Variants in GOLGA6L2 observed in about 807,000 individuals in gnomAD.
GOLGA6L2 encodes golgin A6 family like 2, also known as golgin subfamily A member 6-like protein 2.
Under a neutral mutation model 35.9 loss-of-function variants are expected in GOLGA6L2, and 30 were observed. The observed-to-expected ratio is 0.83, with a 90% CI of 0.62 to 1.13. GOLGA6L2 has a LOEUF of 1.13. Among genes scored for constraint, GOLGA6L2 ranks in the 50% most tolerant of loss-of-function variants. GOLGA6L2 has a pLI of 0.00. For synonymous variants in GOLGA6L2, 297 were observed against 344.0 expected, an observed-to-expected ratio of 0.86 and a Z score of 1.51; for missense variants, 821 against 973.4, an observed-to-expected ratio of 0.84 and a Z score of 2.08.
chr15:23,444,270 G>T, intron 3 of GOLGA6L2, 58 bp from the exon 4 acceptor site: 1 of 1,569,476 alleles, frequency 6.4e-7, no homozygotes. Context: ...CACAGCAAGA[G>T]ACATGCCCCC....
chr15:23,447,163 G>T lies in GOLGA6L2; in HGVS notation c.19C>A (p.Leu7Ile), dbSNP rs1192810397. The T allele has an allele frequency of 1.3e-6, 2 of 1,585,294 alleles. No homozygotes were observed. Among genetic ancestry groups the T allele is most frequent in the Admixed American group, 1.7e-5 (1 of 59,572 alleles). The change falls in exon 1 of 8, where the codon CTC becomes ATC. Residue 7 changes from leucine (L) to isoleucine (I), a missense_variant. By Grantham distance (5) the Leu-to-Ile change is conservative (BLOSUM62 2). Around this residue, in one of 7 missense-constraint regions of GOLGA6L2, gnomAD observed 48 missense variants for 31.7 expected, o/e 1.51. Transcript: ENST00000567107. ...TCTGACATCATGGGGTGGGGAGGGAGGTGGGGTTGGGGCCACATCAGCGTG... is the reference window on the plus strand; with the variant it reads ...TCTGACATCATGGGGTGGGGAGGGATGTGGGGTTGGGGCCACATCAGCGTG... MWPQPH[L>I]PPHPMMSEKT... is the part of the protein sequence containing the mutation.
At chr15:23,445,958 G>A (rs1278757063) in intron 1 of GOLGA6L2, among the ~76,000 whole-genome samples, 1 of 152,180 alleles carries the variant, frequency 6.6e-6, no homozygotes, top group Non-Finnish European at 1.5e-5. Flanking sequence ...GAACATTAAT[G>A]TTTTGTCTCT....
At chr15:23,442,184 A>G (rs1033754331) in intron 6 of GOLGA6L2, 64 bp from the exon 7 acceptor site, 5 of 1,515,156 alleles carry the variant, frequency 3.3e-6, no homozygotes, top group African/African-American at 1.4e-5. Flanking sequence ...TTGGTGATCA[A>G]CCCTCTACTC....
In GOLGA6L2 at chr15:23,441,060, T is replaced by G. The variant is rs757742999; in HGVS notation, c.1415A>C (p.Lys472Thr). ...EEETMREQEE[K>T]MQKQEENMWE... ...CATATTCTCCTCCTGCTTCTGCATCTTCTCCTCCTGCTCCCGCATCGTCTC... is the reference window on the plus strand; with the variant it reads ...CATATTCTCCTCCTGCTTCTGCATCGTCTCCTCCTGCTCCCGCATCGTCTC... Residue 472 changes from lysine (K) to threonine (T), a missense_variant, in exon 8 of 8, where the codon AAG (lysine) becomes ACG (threonine). Coordinates refer to ENST00000567107, the MANE Select transcript of GOLGA6L2 (RefSeq NM_001304388.2). 5.2e-5 allele frequency: 74 copies of G among 1,422,388 alleles called. 2 individuals are homozygous for G. In the African/African-American group the frequency reaches 9.9e-4, roughly 19 times the overall value. 88.1% of individuals were successfully genotyped at this position (1,422,388 alleles called of 1,614,324 possible).
In GOLGA6L2 at chr15:23,447,167, G is replaced by A. The variant is rs763800967; in HGVS notation, c.15C>T (p.Pro5=). The change falls in exon 1 of 8, where the codon CCC becomes CCT. Residue 5 remains proline (P), a synonymous_variant. Coordinates refer to ENST00000567107, the MANE Select transcript of GOLGA6L2 (RefSeq NM_001304388.2). ...ACATCATGGGGTGGGGAGGGAGGTGGGGTTGGGGCCACATCAGCGTGATTC... is the reference window on the plus strand; with the variant it reads ...ACATCATGGGGTGGGGAGGGAGGTGAGGTTGGGGCCACATCAGCGTGATTC... MWPQ[P]HLPPHPMMSE... The A allele has an allele frequency of 6.3e-7, 1 of 1,579,668 alleles. No homozygotes were observed. The highest frequency in any genetic ancestry group is 8.7e-7 in the Non-Finnish European group (1 of 1,151,992).
At position 23,442,066 on chromosome 15, in the gene GOLGA6L2, T is replaced by G; in HGVS notation, c.705A>C (p.Arg235=). The G allele has an allele frequency of 6.5e-7, 1 of 1,545,492 alleles. No homozygotes were observed. The highest frequency in any genetic ancestry group is 8.7e-7 in the Non-Finnish European group (1 of 1,152,090). The stretch of plus-strand genomic sequence containing the variant: ...TCTCAGACTTTTCAGATTCTGCAAG[T>G]CGAAGTTTTTCTTGTAGTTCGGCAT... ...KKNAELQEKL[R]LAESEKSEIQ... is the part of the protein sequence containing the mutation. The change falls in exon 7 of 8, where the codon CGA becomes CGC. Residue 235 remains arginine, a synonymous_variant. Transcript: ENST00000567107.
chr15:23,439,559 T>A lies in GOLGA6L2; in HGVS notation c.*186A>T, dbSNP rs1215839807. On this transcript the variant is annotated 3_prime_UTR_variant, in exon 8 of 8. Transcript: ENST00000567107. The stretch of plus-strand genomic sequence containing the variant: ...TGCCAACTTTTAGATATTGATGATC[T>A]TCATCTTTCTCTTGTCTCCTCGGTA... 5.2e-6 allele frequency: 8 copies of A among 1,533,572 alleles called. No individual in the cohort carries two copies. The highest frequency in any genetic ancestry group is 6.1e-6 in the Non-Finnish European group (7 of 1,145,448). The allele number at this position is 1,533,572 out of a possible 1,614,324, so 95.0% of individuals were successfully genotyped here.
In GOLGA6L2 at chr15:23,439,102, A is replaced by G. The variant is rs2070616751; in HGVS notation, c.*643T>C. On this transcript the variant is annotated 3_prime_UTR_variant, in exon 8 of 8. Coordinates refer to ENST00000567107, the MANE Select transcript of GOLGA6L2 (RefSeq NM_001304388.2). ...AAACAAGACTAAATGAGAAAGACCA[A>G]GAAGAAAAACAATAGAAACATACAT... Among the ~76,000 whole-genome samples, 1 of 152,122 alleles carries G rather than the reference A, an allele frequency of 6.6e-6. No individual in the cohort carries two copies. The highest frequency in any genetic ancestry group is 6.6e-5 in the Admixed American group (1 of 15,266).
intron 5 of GOLGA6L2, 108 bp downstream of exon 5, chr15:23,443,669 A>G (rs1350217437): frequency 2.2e-6 from 2 of 927,202 alleles, no homozygotes; most frequent in South Asian, 1.4e-5. Context: ...GAAATGACCC[A>G]TACTATCTTC....
rs1282722818 is a variant in GOLGA6L2, at chr15:23,440,911, C to T, written c.1564G>A (p.Asp522Asn). The part of the protein sequence containing the change: ...KIWEQEEKIR[D>N]QEEMWGQEKK... ...TCCTGCCCCCACATCTCCTCCTGGTCCCGTATCTTCTCCTCCTGCTCCCAT... is the reference window on the plus strand; with the variant it reads ...TCCTGCCCCCACATCTCCTCCTGGTTCCGTATCTTCTCCTCCTGCTCCCAT... Residue 522 changes from aspartate to asparagine, a missense_variant, in exon 8 of 8, where the codon GAC (aspartate) becomes AAC (asparagine). Transcript: ENST00000567107. The T allele has an allele frequency of 1.4e-6, 2 of 1,464,092 alleles. No individual in the cohort carries two copies. The highest frequency in any genetic ancestry group is 1.8e-6 in the Non-Finnish European group (2 of 1,089,004). The allele number at this position is 1,464,092 out of a possible 1,614,324, so 90.7% of individuals were successfully genotyped here. A position where few individuals can be genotyped will look rare whatever the true frequency, so the allele number is the denominator to read the frequency against.
chr15:23,441,734 T>A, intron 7 of GOLGA6L2, 52 bp from the exon 8 acceptor site: 1 of 1,433,042 alleles, frequency 7.0e-7, no homozygotes, highest in Non-Finnish European at 9.1e-7. Flanking sequence ...ATCTATAAAA[T>A]AACAGTTTTC....
rs1339266407 is a variant in GOLGA6L2 at position 23,439,686 on chromosome 15, G to A, written c.*59C>T. ...ATCTCCTGTGCAGTGGGGTTGTCCT[G>A]CGGAGAACCCTCCCCAGCCTCTCCT... On this transcript the variant is annotated 3_prime_UTR_variant, in exon 8 of 8. Coordinates refer to ENST00000567107, the MANE Select transcript of GOLGA6L2 (RefSeq NM_001304388.2). 1.3e-6 allele frequency: 2 copies of A among 1,537,270 alleles called. 1 individual carries two copies. Among genetic ancestry groups the A allele is most frequent in the Admixed American group, 3.9e-5 (2 of 51,068 alleles).
Position 23,441,494 on chromosome 15 carries a change from C to T in GOLGA6L2, c.981G>A (p.Glu327=). The change falls in exon 8 of 8, where the codon GAG becomes GAA. Residue 327 remains glutamate, a synonymous_variant. Transcript: ENST00000567107. ...RRQEKRLREQ[E]KELREQEKEL... ...CCTTCTCCTGCTCCCGCAGCTCCTT[C>T]TCCTGCTCTCGCAGCCTCTTCTCCT... is the stretch of plus-strand genomic sequence containing the variant. The T allele has an allele frequency of 7.1e-7, 1 of 1,404,072 alleles. No individual in the cohort carries two copies. Among genetic ancestry groups the T allele is most frequent in the Non-Finnish European group, 9.5e-7 (1 of 1,048,898 alleles). 87.0% of individuals were successfully genotyped at this position (1,404,072 alleles called of 1,614,324 possible).
chr15:23,441,812 C>G, intron 7 of GOLGA6L2, 130 bp from the exon 8 acceptor site: 1 of 1,361,754 alleles, frequency 7.3e-7, no homozygotes. Context: ...GGCAGGGCCC[C>G]AAATTTGTAG....
rs2070621081 is a variant in GOLGA6L2, at chr15:23,439,409, G to T, written c.*336C>A. The stretch of plus-strand genomic sequence containing the variant: ...TTGTAGGTTTCGGCCACAAGGCCTG[G>T]CTAGTATTTTACCACAATTTAAAGT... On this transcript the variant is annotated 3_prime_UTR_variant, in exon 8 of 8. Transcript: ENST00000567107. 1 of 460,214 alleles carries T rather than the reference G, an allele frequency of 2.2e-6. No homozygotes were observed. The highest frequency in any genetic ancestry group is 3.6e-6 in the Non-Finnish European group (1 of 276,094). The allele number at this position is 460,214 out of a possible 1,614,324, so 28.5% of individuals were successfully genotyped here.
intron 7 of GOLGA6L2, 83 bp downstream of exon 7, chr15:23,441,896 C>G (rs1024735444): frequency 1.2e-4 from 171 of 1,478,264 alleles, no homozygotes; most frequent in African/African-American, 1.0e-3. Context: ...CTTGGCTGGA[C>G]CCTCCCCATA....
rs1323880958 is a variant in GOLGA6L2 at position 23,439,581 on chromosome 15, G to A, written c.*164C>T. 14 of 1,534,344 alleles carry A rather than the reference G, an allele frequency of 9.1e-6. No individual in the cohort carries two copies. The highest frequency in any genetic ancestry group is 6.9e-5 in the African/African-American group (5 of 72,538). On this transcript the variant is annotated 3_prime_UTR_variant, in exon 8 of 8. Transcript: ENST00000567107. The stretch of plus-strand genomic sequence containing the variant: ...ATCTTCATCTTTCTCTTGTCTCCTC[G>A]GTAGAAGAATGGGATGCAGGAGGTA...
At chr15:23,442,237 G>A in intron 6 of GOLGA6L2, 117 bp from the exon 7 acceptor site, 1 of 1,276,322 alleles carries the variant, frequency 7.8e-7, no homozygotes, top group Non-Finnish European at 1.1e-6. Flanking sequence ...AGGGACCCCA[G>A]GAATTAAAAG....
intron 1 of GOLGA6L2, among the ~76,000 whole-genome samples, chr15:23,446,244 C>A (rs1325082233): frequency 6.6e-6 from 1 of 152,062 alleles, no homozygotes; most frequent in Non-Finnish European, 1.5e-5. Context: ...TGGGAGAAAA[C>A]CAAACCAAAC....
Sources: allele counts gnomAD v4.1 joint callset (sites outside exome capture counted in the v4.1 genomes callset), GRCh38; gene constraint gnomAD v4.1.1; regional missense constraint gnomAD v4.1.1; transcripts MANE v1.5; gene names NCBI Gene and HGNC (gene_info 2026-07-23, HGNC 2026-07-21).